PPP1R9A: variants seen among roughly 807,000 people sequenced by gnomAD.
PPP1R9A encodes protein phosphatase 1 regulatory subunit 9A, also known as neurabin-1.
A neutral mutation model predicts 141.9 loss-of-function variants in PPP1R9A; 59 were observed. The observed-to-expected ratio is 0.42, with a 90% confidence interval of 0.34 to 0.52. PPP1R9A has a LOEUF of 0.52. Among genes scored for constraint, PPP1R9A ranks in the 20% least tolerant of loss-of-function variants. The pLI, the probability that PPP1R9A is intolerant of heterozygous loss-of-function variation, is 0.10. For missense variants in PPP1R9A, 1,444 were observed against 1,611.9 expected, an observed-to-expected ratio of 0.90 and a Z score of 1.78; for synonymous variants, 500 against 569.7, an observed-to-expected ratio of 0.88 and a Z score of 1.74.
intron 5 of PPP1R9A, among the ~76,000 whole-genome samples, chr7:95,183,682 C>T (rs889328202): frequency 1.3e-5 from 2 of 151,370 alleles, no homozygotes; most frequent in African/African-American, 4.8e-5. Context: ...CTCTTGACTT[C>T]GTGGTCCACC....
chr7:95,285,563 C>A (rs1805139814), intron 17 of PPP1R9A, among the ~76,000 whole-genome samples: 2 of 152,182 alleles, frequency 1.3e-5, no homozygotes, highest in African/African-American at 2.4e-5. Flanking sequence ...CCTCCCCCAC[C>A]CCCAGGTGAT....
chr7:95,159,647 A>G (rs138681991), intron 4 of PPP1R9A, among the ~76,000 whole-genome samples: 1,587 of 152,114 alleles, frequency 0.01, 24 homozygotes, highest in African/African-American at 0.037. Flanking sequence ...ACTCGGGCCG[A>G]CCGTGGTGGC....
intron 2 of PPP1R9A, among the ~76,000 whole-genome samples, chr7:95,021,620 T>G (rs1429506158): frequency 1.3e-5 from 2 of 152,208 alleles, no homozygotes; most frequent in Non-Finnish European, 1.5e-5. Context: ...GTTTAAGTCT[T>G]TAATCCATCT....
At chr7:95,010,156 C>T (rs1008183684) in intron 2 of PPP1R9A, among the ~76,000 whole-genome samples, 4 of 152,108 alleles carry the variant, frequency 2.6e-5, no homozygotes, top group Non-Finnish European at 4.4e-5. Flanking sequence ...CTTTAGGGGG[C>T]TGAGGCAGGA....
At position 95,033,249 on chromosome 7, in the gene PPP1R9A, C is replaced by G. The variant is rs572242853; in HGVS notation, c.1396-78010C>G. 2.7e-5 allele frequency among the ~76,000 whole-genome samples: 4 copies of G among 148,368 alleles called. No homozygotes were observed. The South Asian group carries it at 8.5e-4, about 31-fold the overall frequency. ...CAGGATGGTCTCGATCTCCTGACCT[C>G]GTGATCCGCCCGCCTTGGCCTCCCA... On this transcript the variant is annotated intron_variant, in intron 2 of 19. Transcript: ENST00000433360.
At chr7:95,073,624 G>GTTTTTTTTTTTTT (rs36077129) in intron 2 of PPP1R9A, among the ~76,000 whole-genome samples, 1 of 105,558 alleles carries the variant, frequency 9.5e-6, no homozygotes, top group Non-Finnish European at 1.9e-5. Context: ...AAAGAAATAA[G>GTTTTTTTTTTTTT]TTTTTTTTTT....
chr7:95,198,772 G>T (rs562350414), intron 6 of PPP1R9A, among the ~76,000 whole-genome samples: 278 of 152,270 alleles, frequency 1.8e-3, no homozygotes, highest in Non-Finnish European at 3.3e-3. Flanking sequence ...ACACAAAAAT[G>T]TGAATAATGT....
intron 2 of PPP1R9A, among the ~76,000 whole-genome samples, chr7:95,040,725 C>G (rs1809115604): frequency 6.6e-6 from 1 of 152,136 alleles, no homozygotes; most frequent in African/African-American, 2.4e-5. Flanking sequence ...TCACTAGGCA[C>G]TTTTCATTCT....
intron 2 of PPP1R9A, among the ~76,000 whole-genome samples, chr7:95,085,030 C>T (rs955653920): frequency 7.2e-5 from 11 of 152,048 alleles, no homozygotes; most frequent in Non-Finnish European, 2.9e-5. Context: ...CCCACCCTCA[C>T]ATGATTTACT....
chr7:94,961,807 G>C (rs1009592889), intron 2 of PPP1R9A, among the ~76,000 whole-genome samples: 2 of 151,884 alleles, frequency 1.3e-5, no homozygotes, highest in Admixed American at 1.3e-4. Flanking sequence ...TCGTAGAACA[G>C]ATTTGTATTG....
At chr7:95,202,067 A>G (rs900540640) in intron 6 of PPP1R9A, among the ~76,000 whole-genome samples, 1 of 152,320 alleles carries the variant, frequency 6.6e-6, no homozygotes, top group East Asian at 1.9e-4. Context: ...GGAGAAATAG[A>G]TCCTGAAATT....
chr7:95,118,807 CA>C (rs201426523), intron 3 of PPP1R9A, among the ~76,000 whole-genome samples: 2,007 of 48,596 alleles, frequency 0.041, 32 homozygotes, highest in African/African-American at 0.11. Context: ...CCTGTCTGTA[CA>C]AAAAAAAAAA....
At chr7:95,192,732 G>C (rs961945426) in intron 5 of PPP1R9A, among the ~76,000 whole-genome samples, 1 of 151,954 alleles carries the variant, frequency 6.6e-6, no homozygotes, top group Admixed American at 6.6e-5. Flanking sequence ...ATCAAAGTTG[G>C]TTTTCCCTTT....
intron 3 of PPP1R9A, among the ~76,000 whole-genome samples, chr7:95,111,873 G>A (rs1414895908): frequency 3.3e-5 from 5 of 151,976 alleles, no homozygotes; most frequent in Admixed American, 1.3e-4. Context: ...GGGAGAAGAG[G>A]GAGCAGAAAG....
chr7:94,910,909 G>A lies in PPP1R9A; in HGVS notation c.796G>A (p.Val266Ile), dbSNP rs764070588. 9.3e-6 allele frequency: 15 copies of A among 1,614,104 alleles called. No homozygotes were observed. The highest frequency in any genetic ancestry group is 1.3e-5 in the Non-Finnish European group (15 of 1,180,024). ...NSWPPSNKRG[V>I]DTEDAHKSNA... is the part of the protein sequence containing the mutation. Reference sequence around the variant, plus strand: ...CTGGCCTCCTTCAAACAAGCGAGGTGTTGATACAGAGGATGCTCACAAGAG... The same window carrying A: ...CTGGCCTCCTTCAAACAAGCGAGGTATTGATACAGAGGATGCTCACAAGAG... The change falls in exon 2 of 20, where the codon GTT becomes ATT. Residue 266 changes from valine to isoleucine, a missense_variant. Transcript: ENST00000433360. The surrounding 1 kb of genome is among the most constrained non-coding windows in gnomAD (Gnocchi z 4.5).
intron 4 of PPP1R9A, among the ~76,000 whole-genome samples, chr7:95,149,745 T>C (rs1828303087): frequency 6.7e-6 from 1 of 150,368 alleles, no homozygotes; most frequent in Non-Finnish European, 1.5e-5. Context: ...GGTAAGATAT[T>C]CTACATTCAT....
chr7:95,137,415 C>CAA (rs33928009), intron 4 of PPP1R9A, among the ~76,000 whole-genome samples: 104 of 91,260 alleles, frequency 1.1e-3, no homozygotes, highest in African/African-American at 2.4e-3. Context: ...GACATGAACT[C>CAA]AAAAAAAAAA....
chr7:95,152,764 G>C (rs1344211347), intron 4 of PPP1R9A, among the ~76,000 whole-genome samples: 1 of 151,564 alleles, frequency 6.6e-6, no homozygotes, highest in Non-Finnish European at 1.5e-5. Context: ...CTGGTGGATA[G>C]GAACTTGATA....
In PPP1R9A at chr7:95,247,450, TTTTC is replaced by T. The variant is rs766283763; in HGVS notation, c.2113-15_2113-12del. ...TAGATACACTTTCTTAGTTCAGATT[TTTTC>T]TTTCTTTTCAATTTTCAGTTGCAAA... On this transcript the variant is annotated intron_variant, in intron 8 of 19. Transcript: ENST00000433360. 14 of 1,581,964 alleles carry T rather than the reference TTTTC, an allele frequency of 8.8e-6. No individual in the cohort carries two copies. The Admixed American group carries it at 2.4e-4, about 27-fold the overall frequency.
Sources: gnomAD v4.1 joint callset for allele counts (sites outside exome capture counted in the v4.1 genomes callset) on GRCh38, gnomAD v4.1.1 for gene constraint, Gnocchi (gnomAD v3.1) non-coding constraint, MANE v1.5 for transcripts, NCBI Gene and HGNC (gene_info 2026-07-23, HGNC 2026-07-21) for gene names.